CTSB: variants seen among roughly 807,000 people sequenced by gnomAD.
The protein encoded by CTSB is APP secretase.
A neutral mutation model predicts 44.3 loss-of-function variants in CTSB; 57 were observed. The ratio of observed to expected loss-of-function variants is 1.29; its 90% confidence interval spans 1.04 to 1.60. The LOEUF (loss-of-function observed/expected upper bound fraction) is 1.60. Ranked by LOEUF, CTSB falls within the 40% of genes most tolerant of loss-of-function variation. The pLI is 0.00. For missense variants in CTSB, 768 were observed against 443.0 expected (o/e 1.73, Z -6.59); for synonymous variants, 320 against 168.0 (o/e 1.91, Z -7.00).
At chr8:11,851,525 T>C (rs1010515165) in intron 3 of CTSB, among the ~76,000 whole-genome samples, 1 of 151,982 alleles carries the variant, frequency 6.6e-6, no homozygotes, top group African/African-American at 2.4e-5. Context: ...TCTAGGCTTA[T>C]GTAATGGATT....
intron 2 of CTSB, 62 bp downstream of exon 2, chr8:11,853,267 G>C (rs906687352): frequency 3.8e-6 from 6 of 1,588,000 alleles, no homozygotes; most frequent in South Asian, 1.1e-5. Context: ...CCCATTCCTG[G>C]AGTCAGTGTG....
At chr8:11,845,633 T>G (rs188138506) in intron 9 of CTSB, 28 bp downstream of exon 9, 2 of 1,607,528 alleles carry the variant, frequency 1.2e-6, no homozygotes, top group African/African-American at 2.7e-5. Flanking sequence ...AATTCACTGT[T>G]CTTGGCAGGA....
At chr8:11,847,463 C>T (rs1308013447) in intron 7 of CTSB, among the ~76,000 whole-genome samples, 1 of 152,158 alleles carries the variant, frequency 6.6e-6, no homozygotes, top group African/African-American at 2.4e-5. Context: ...TGGTCCCTTC[C>T]AGTTTGGAAG....
chr8:11,852,853 A>G (rs1391484358), intron 2 of CTSB, among the ~76,000 whole-genome samples, 158 bp from the exon 3 acceptor site: 1 of 152,172 alleles, frequency 6.6e-6, no homozygotes, highest in Non-Finnish European at 1.5e-5. Flanking sequence ...AGAGTGACAC[A>G]CGGGCAGAGT....
chr8:11,847,832 C>G lies in CTSB; in HGVS notation c.533-10G>C. ...GAGTACGGTCTGCACCCTGATGGGA[C>G]GCGGGAGAAAGCGGAGTCAACCTAC... On this transcript the variant is annotated splice_polypyrimidine_tract_variant and intron_variant, in intron 6 of 9. Transcript: ENST00000353047. 1 of 1,585,848 alleles carries G rather than the reference C, an allele frequency of 6.3e-7. No individual in the cohort carries two copies. The highest frequency in any genetic ancestry group is 1.7e-4 in the Middle Eastern group (1 of 5,938).
chr8:11,866,463 G>C (rs1440329052), intron 1 of CTSB, among the ~76,000 whole-genome samples: 1 of 152,232 alleles, frequency 6.6e-6, no homozygotes, highest in Non-Finnish European at 1.5e-5. Flanking sequence ...AAAGACGAAG[G>C]GAAGCCTCTG....
chr8:11,852,648 T>G lies in CTSB; in HGVS notation c.174A>C (p.Leu58=), dbSNP rs558413235. Residue 58 remains leucine, a synonymous_variant, in exon 3 of 10, where the codon CTA becomes CTC. Coordinates refer to ENST00000353047, the MANE Select transcript of CTSB (RefSeq NM_001908.5). Reference sequence around the variant, plus strand: ...TGGGCCCACCCAGGAAGGTACCACATAGCCTCTTCAAGTAGCTCATGTCCA... The same window carrying G: ...TGGGCCCACCCAGGAAGGTACCACAGAGCCTCTTCAAGTAGCTCATGTCCA... ...YNVDMSYLKR[L]CGTFLGGPKP... 1.2e-6 allele frequency: 2 copies of G among 1,614,016 alleles called. No individual in the cohort carries two copies. The highest frequency in any genetic ancestry group is 1.3e-5 in the African/African-American group (1 of 75,034).
chr8:11,847,889 A>AGC, intron 6 of CTSB, 67 bp from the exon 7 acceptor site: 1 of 1,425,758 alleles, frequency 7.0e-7, no homozygotes, highest in African/African-American at 2.0e-5. Flanking sequence ...GGGCAAGGCA[A>AGC]GCCTCGTGCC....
At position 11,853,424 on chromosome 8, in the gene CTSB, G is replaced by A. The variant is rs778054159; in HGVS notation, c.31C>T (p.Leu11=). The change falls in exon 2 of 10, where the codon CTG becomes TTG. Residue 11 remains leucine (L), a synonymous_variant. Coordinates refer to ENST00000353047, the MANE Select transcript of CTSB (RefSeq NM_001908.5). ...CTCCGGGCATTGGCCAACACCAGCAGGCAGCAGAGGGAGGCCCAGAGCTGC... is the reference window on the plus strand; with the variant it reads ...CTCCGGGCATTGGCCAACACCAGCAAGCAGCAGAGGGAGGCCCAGAGCTGC... The part of the protein sequence containing the change: MWQLWASLCC[L]LVLANARSRP... The A allele has an allele frequency of 6.2e-7, 1 of 1,612,486 alleles. No individual in the cohort carries two copies. The highest frequency in any genetic ancestry group is 8.5e-7 in the Non-Finnish European group (1 of 1,179,782).
intron 1 of CTSB, chr8:11,867,518 AG>A (rs1280469136): frequency 3.3e-5 from 5 of 152,272 alleles, no homozygotes; most frequent in African/African-American, 4.8e-5. Context: ...AAAGTTGGCC[AG>A]GCAAATCCTT....
chr8:11,853,093 G>A (rs147214643), intron 2 of CTSB, among the ~76,000 whole-genome samples: 136 of 152,146 alleles, frequency 8.9e-4, no homozygotes, highest in Middle Eastern at 3.4e-3. Flanking sequence ...ACACCTCCAC[G>A]TGCACACAAC....
intron 1 of CTSB, among the ~76,000 whole-genome samples, chr8:11,858,850 G>A (rs139346606): frequency 3.9e-4 from 60 of 152,326 alleles, no homozygotes; most frequent in African/African-American, 1.4e-3. Flanking sequence ...GCATGGGACA[G>A]CAACCCATTT....
intron 5 of CTSB, 79 bp from the exon 6 acceptor site, chr8:11,848,231 C>A (rs1023025665): frequency 7.4e-6 from 10 of 1,343,702 alleles, no homozygotes; most frequent in Non-Finnish European, 1.1e-5. Flanking sequence ...ACCCAAGTGC[C>A]CGAGGCCACT....
intron 1 of CTSB, chr8:11,854,610 A>G (rs1815206854): frequency 8.0e-6 from 1 of 125,526 alleles, no homozygotes; most frequent in South Asian, 2.4e-4. Flanking sequence ...CCTCCCAAGT[A>G]GCTGGGATTA....
In CTSB at chr8:11,845,718, T is replaced by G. The variant is rs1217372323; in HGVS notation, c.865A>C (p.Asn289His). The stretch of plus-strand genomic sequence containing the variant: ...GCAACCAGCCAGTAGGGTGTGCCAT[T>G]CTCCACTCCCCAGCCCAGGATGCGG... Reference protein sequence around the residue: ...AIRILGWGVENGTPYWLVANS... With the variant: ...AIRILGWGVEHGTPYWLVANS... The change falls in exon 9 of 10, where the codon AAT (asparagine) becomes CAT (histidine). Residue 289 changes from asparagine to histidine, a missense_variant. Physicochemically the swap from Asn to His is moderately conservative, Grantham distance 68. Transcript: ENST00000353047. The G allele has an allele frequency of 6.8e-6, 11 of 1,613,878 alleles. No homozygotes were observed. The African/African-American group carries it at 1.3e-4, about 20-fold the overall frequency.
Position 11,847,670 on chromosome 8 carries a change from GC to G in CTSB, c.676+8del. 6.5e-7 allele frequency: 1 copy of G among 1,527,880 alleles called. No individual in the cohort carries two copies. Among genetic ancestry groups the G allele is most frequent in the Non-Finnish European group, 8.8e-7 (1 of 1,141,696 alleles). The allele number at this position is 1,527,880 out of a possible 1,614,324, so 94.6% of individuals were successfully genotyped here. ...CACGTGCGCCGTGGCCAGGCCCCAG[GC>G]CCCTTACCGTAGTGCTTGTCCTGTT... On this transcript the variant is annotated splice_region_variant and intron_variant, in intron 7 of 9. Transcript: ENST00000353047.
chr8:11,846,987 C>G (rs554293720), intron 8 of CTSB, 65 bp downstream of exon 8: 25 of 860,224 alleles, frequency 2.9e-5, no homozygotes, highest in African/African-American at 2.2e-4. Flanking sequence ...CAACATGAAC[C>G]ATCCTGGCAC....
At chr8:11,853,541 CAG>C (rs1452997701) in intron 1 of CTSB, 62 bp from the exon 2 acceptor site, 7 of 1,503,492 alleles carry the variant, frequency 4.7e-6, no homozygotes, top group African/African-American at 1.4e-5. Flanking sequence ...CTCACACACA[CAG>C]GGGCACCGTC....
At chr8:11,847,014 A>AC in intron 8 of CTSB, 38 bp downstream of exon 8, 1 of 711,160 alleles carries the variant, frequency 1.4e-6, no homozygotes, top group Non-Finnish European at 2.6e-6. Flanking sequence ...TCCCCTCCCG[A>AC]CCCCCACCCT....
Sources: gnomAD v4.1 joint callset for allele counts (sites outside exome capture counted in the v4.1 genomes callset) on GRCh38, gnomAD v4.1.1 for gene constraint, MANE v1.5 for transcripts, NCBI Gene and HGNC (gene_info 2026-07-23, HGNC 2026-07-21) for gene names.